Variants in ASTN1 observed in about 807,000 individuals in gnomAD.
The protein encoded by ASTN1 is astrotactin-1.
In ASTN1, 41 loss-of-function variants were observed where a neutral mutation model predicts 140.7. That is an observed-to-expected ratio of 0.29 (90% CI 0.23 to 0.38). The LOEUF (loss-of-function observed/expected upper bound fraction) is 0.38. Among genes scored for constraint, ASTN1 ranks in the 10% least tolerant of loss-of-function variants. The pLI, the probability that ASTN1 is intolerant of heterozygous loss-of-function variation, is 1.00. For missense variants in ASTN1, 1,479 were observed against 1,678.8 expected (o/e 0.88, Z 2.08); for synonymous variants, 640 against 652.2 (o/e 0.98, Z 0.29).
At chr1:177,118,303 T>G (rs766951744) in intron 1 of ASTN1, among the ~76,000 whole-genome samples, 1 of 147,370 alleles carries the variant, frequency 6.8e-6, no homozygotes, top group Admixed American at 6.7e-5. Flanking sequence ...CTTGAGACAA[T>G]TTTCTTCTTT....
intron 8 of ASTN1, among the ~76,000 whole-genome samples, chr1:177,002,984 G>T (rs1298844240): frequency 6.6e-6 from 1 of 151,388 alleles, no homozygotes; most frequent in Non-Finnish European, 1.5e-5. Flanking sequence ...AAAAAAAAAG[G>T]CCAAAACGAA....
chr1:176,898,649 G>A (rs1000881884), intron 16 of ASTN1, among the ~76,000 whole-genome samples: 1 of 152,144 alleles, frequency 6.6e-6, no homozygotes, highest in Non-Finnish European at 1.5e-5. Flanking sequence ...ATCTTTGACC[G>A]TTGCTTTTAA....
chr1:177,027,973 G>A (rs540717972), intron 5 of ASTN1, among the ~76,000 whole-genome samples: 1 of 152,044 alleles, frequency 6.6e-6, no homozygotes, highest in Non-Finnish European at 1.5e-5. Context: ...GTTATAAAAT[G>A]TTTTTGCTGC....
chr1:177,041,949 C>T (rs1156941442), intron 2 of ASTN1, among the ~76,000 whole-genome samples: 4 of 152,178 alleles, frequency 2.6e-5, no homozygotes, highest in Non-Finnish European at 4.4e-5. Context: ...AGACCTTATG[C>T]AGGGCATGTG....
chr1:177,146,157 CT>C lies in ASTN1; in HGVS notation c.283+18236del, dbSNP rs1231507857. On this transcript the variant is annotated intron_variant, in intron 1 of 22. Coordinates refer to ENST00000361833, the MANE Select transcript of ASTN1 (RefSeq NM_004319.3). Reference sequence around the variant, plus strand: ...TAGTGAGAACAATAACAGTGTCCAACTTTTTTTGCAAATTTTTTAAATACTG... The same window carrying C: ...TAGTGAGAACAATAACAGTGTCCAACTTTTTTGCAAATTTTTTAAATACTG... 2.0e-5 allele frequency among the ~76,000 whole-genome samples: 3 copies of C among 152,128 alleles called. No homozygotes were observed. In the East Asian group the frequency reaches 5.8e-4, roughly 29 times the overall value.
At chr1:177,034,463 G>C (rs1344187278) in intron 2 of ASTN1, among the ~76,000 whole-genome samples, 1 of 152,106 alleles carries the variant, frequency 6.6e-6, no homozygotes, top group Non-Finnish European at 1.5e-5. Context: ...TGCAAGTATA[G>C]AGAAAGAATA....
At chr1:177,164,266 G>A in intron 1 of ASTN1, 128 bp downstream of exon 1, 2 of 1,052,550 alleles carry the variant, frequency 1.9e-6, no homozygotes, top group Admixed American at 2.9e-5. Flanking sequence ...CCGGGAGTGG[G>A]GCGGATCCGG....
intron 16 of ASTN1, among the ~76,000 whole-genome samples, chr1:176,921,920 G>A (rs903747206): frequency 6.6e-6 from 1 of 152,136 alleles, no homozygotes. Flanking sequence ...CTAGGAAAGG[G>A]AAGAAGAAGA....
intron 8 of ASTN1, among the ~76,000 whole-genome samples, chr1:176,971,725 C>T (rs1383899342): frequency 6.6e-6 from 1 of 152,168 alleles, no homozygotes; most frequent in East Asian, 1.9e-4. Flanking sequence ...GACATCATGA[C>T]TACTATACCC....
chr1:177,163,111 A>G (rs1395648841), intron 1 of ASTN1, among the ~76,000 whole-genome samples: 2 of 152,088 alleles, frequency 1.3e-5, no homozygotes, highest in Non-Finnish European at 2.9e-5. Flanking sequence ...AGCAAGAGGG[A>G]TGTGTTAGAA....
At chr1:177,041,496 T>C (rs536009509) in intron 2 of ASTN1, among the ~76,000 whole-genome samples, 1 of 152,348 alleles carries the variant, frequency 6.6e-6, no homozygotes, top group African/African-American at 2.4e-5. Flanking sequence ...GCTCCCTCCA[T>C]GGGCTGTGGG....
chr1:176,887,568 T>C (rs1241425813), intron 18 of ASTN1, among the ~76,000 whole-genome samples: 1 of 152,190 alleles, frequency 6.6e-6, no homozygotes, highest in East Asian at 1.9e-4. Context: ...CTTTGGAAAA[T>C]CATTCAATCC....
intron 8 of ASTN1, among the ~76,000 whole-genome samples, chr1:176,984,208 G>C (rs1464121083): frequency 6.6e-6 from 1 of 152,226 alleles, no homozygotes; most frequent in Non-Finnish European, 1.5e-5. Context: ...TGGTGCAGCA[G>C]GCAGCAACAA....
At chr1:176,900,186 G>A (rs1669704464) in intron 16 of ASTN1, among the ~76,000 whole-genome samples, 1 of 152,168 alleles carries the variant, frequency 6.6e-6, no homozygotes, top group Admixed American at 6.5e-5. Context: ...AAGAAGAAAG[G>A]AGAAAGCATT....
intron 1 of ASTN1, among the ~76,000 whole-genome samples, chr1:177,143,840 C>G (rs190229795): frequency 3.2e-4 from 48 of 152,166 alleles, no homozygotes; most frequent in African/African-American, 1.0e-3. Context: ...CATACTGATG[C>G]TAATTTCTTA....
chr1:177,073,083 A>G (rs1412054916), intron 1 of ASTN1, among the ~76,000 whole-genome samples: 1 of 152,170 alleles, frequency 6.6e-6, no homozygotes, highest in East Asian at 1.9e-4. Context: ...GATTCACCTT[A>G]AATCAGGACA....
intron 9 of ASTN1, among the ~76,000 whole-genome samples, chr1:176,960,307 TTGAA>T (rs1672603739): frequency 6.6e-6 from 1 of 152,202 alleles, no homozygotes; most frequent in African/African-American, 2.4e-5. Context: ...TACAAGTAGT[TTGAA>T]TGGTACCAAG....
chr1:177,133,876 C>T (rs1242810825), intron 1 of ASTN1, among the ~76,000 whole-genome samples: 1 of 152,236 alleles, frequency 6.6e-6, no homozygotes, highest in Non-Finnish European at 1.5e-5. Flanking sequence ...TTTGCCTAAG[C>T]ACATACATTA....
At chr1:177,083,498 C>T (rs764451494) in intron 1 of ASTN1, among the ~76,000 whole-genome samples, 2 of 152,206 alleles carry the variant, frequency 1.3e-5, no homozygotes, top group Admixed American at 6.5e-5. Flanking sequence ...TGATTTTAGG[C>T]TTTGGAAGTT....
Sources: gnomAD v4.1 joint callset for allele counts (sites outside exome capture counted in the v4.1 genomes callset) on GRCh38, gnomAD v4.1.1 for gene constraint, MANE v1.5 for transcripts, NCBI Gene and HGNC (gene_info 2026-07-23, HGNC 2026-07-21) for gene names.